The following PRKAR2B variants were observed in gnomAD, a reference collection of about 807,000 sequenced individuals.
The protein encoded by PRKAR2B is cAMP-dependent protein kinase type II-beta regulatory subunit.
PRKAR2B carries 14 observed loss-of-function variants against 49.9 expected under a neutral mutation model. The observed-to-expected ratio is 0.28, with a 90% CI of 0.19 to 0.44. The LOEUF (loss-of-function observed/expected upper bound fraction) is 0.44, where lower values mean the gene tolerates loss of function less well. PRKAR2B is among the 20% of genes least tolerant of loss of function. The probability of loss-of-function intolerance (pLI) is 1.00; values close to 1 mark genes in which losing one functional copy is unlikely to be tolerated. For missense variants in PRKAR2B, 393 were observed against 537.9 expected, an observed-to-expected ratio of 0.73 and a Z score of 2.67; for synonymous variants, 196 against 197.7, an observed-to-expected ratio of 0.99 and a Z score of 0.07.
intron 1 of PRKAR2B, among the ~76,000 whole-genome samples, chr7:107,047,650 C>T (rs974486718): frequency 6.6e-6 from 1 of 152,034 alleles, no homozygotes; most frequent in African/African-American, 2.4e-5. Flanking sequence ...AGAAAAGAAC[C>T]CCAGATACTG....
intron 2 of PRKAR2B, chr7:107,082,161 A>G (rs766457962): frequency 2.0e-5 from 3 of 152,200 alleles, no homozygotes; most frequent in Non-Finnish European, 2.9e-5. Context: ...GCTACTTTCA[A>G]GTTACCTATT....
rs576435690 is a variant in PRKAR2B, at chr7:107,150,323, A to G, written c.742-599A>G. Among the ~76,000 whole-genome samples the G allele has an allele frequency of 2.0e-5, 3 of 152,272 alleles. No homozygotes were observed. The South Asian group carries it at 6.2e-4, about 32-fold the overall frequency. The stretch of plus-strand genomic sequence containing the variant: ...AAACACTGGAATTAGATCTTACTCA[A>G]AAACATAGTTGTAGTTTCTCTGTGC... On this transcript the variant is annotated intron_variant, in intron 6 of 10. Transcript: ENST00000265717.
intron 10 of PRKAR2B, among the ~76,000 whole-genome samples, chr7:107,158,822 C>G (rs1796145144): frequency 6.6e-6 from 1 of 152,098 alleles, no homozygotes; most frequent in Non-Finnish European, 1.5e-5. Context: ...CAAAGAAGAT[C>G]TATTTTAATT....
At chr7:107,153,393 G>T in intron 8 of PRKAR2B, 142 bp downstream of exon 8, 1 of 509,344 alleles carries the variant, frequency 2.0e-6, no homozygotes, top group Non-Finnish European at 3.3e-6. Context: ...CAAATGACCT[G>T]TTAAAAATGG....
chr7:107,054,334 T>TCC, intron 1 of PRKAR2B, among the ~76,000 whole-genome samples: 1 of 152,056 alleles, frequency 6.6e-6, no homozygotes, highest in East Asian at 1.9e-4. Context: ...AGAGTGAGAC[T>TCC]CCATCTCAAA....
At chr7:107,150,379 G>A (rs1169786021) in intron 6 of PRKAR2B, among the ~76,000 whole-genome samples, 1 of 151,884 alleles carries the variant, frequency 6.6e-6, no homozygotes, top group Non-Finnish European at 1.5e-5. Flanking sequence ...TTTTTTATGA[G>A]TACATATTAT....
At chr7:107,130,798 T>C (rs1294723995) in intron 4 of PRKAR2B, among the ~76,000 whole-genome samples, 2 of 152,208 alleles carry the variant, frequency 1.3e-5, no homozygotes, top group Non-Finnish European at 2.9e-5. Flanking sequence ...TTTAACTCTT[T>C]TGCTCCGGAG....
Position 107,066,001 on chromosome 7 carries a change from A to G in PRKAR2B, c.308-4280A>G, listed in dbSNP as rs10264039. 4.2e-3 allele frequency among the ~76,000 whole-genome samples: 646 copies of G among 152,340 alleles called. 4 individuals carry two copies. The highest frequency in any genetic ancestry group is 0.015 in the African/African-American group (607 of 41,574). ...TGGGTCTCTTGGGAGCGTAGGAACT[A>G]AACGAATCTAGTGGAATATAGTTTG... On this transcript the variant is annotated intron_variant, in intron 1 of 10. Coordinates refer to ENST00000265717, the MANE Select transcript of PRKAR2B (RefSeq NM_002736.3).
chr7:107,161,535 C>A lies in PRKAR2B; in HGVS notation c.*1953C>A, dbSNP rs1305043798. On this transcript the variant is annotated 3_prime_UTR_variant, in exon 11 of 11. Coordinates refer to ENST00000265717, the MANE Select transcript of PRKAR2B (RefSeq NM_002736.3). ...AATTATTGTTTTTCATACTTTTTTG[C>A]TTGTTTCTTTAAAGTTTTCTGACGT... 6.6e-6 allele frequency: 1 copy of A among 152,344 alleles called. No homozygotes were observed. The highest frequency in any genetic ancestry group is 2.1e-4 in the South Asian group (1 of 4,814). The allele number at this position is 152,344 out of a possible 1,614,324, so 9.4% of individuals were successfully genotyped here. A position where few individuals can be genotyped will look rare whatever the true frequency, so the allele number is the denominator to read the frequency against.
At chr7:107,135,115 A>G (rs1363045642) in intron 4 of PRKAR2B, among the ~76,000 whole-genome samples, 1 of 152,078 alleles carries the variant, frequency 6.6e-6, no homozygotes, top group Non-Finnish European at 1.5e-5. Flanking sequence ...AAATAACACA[A>G]CTCAACAATA....
intron 2 of PRKAR2B, among the ~76,000 whole-genome samples, chr7:107,116,381 T>C (rs907233823): frequency 6.6e-6 from 1 of 152,192 alleles, no homozygotes; most frequent in African/African-American, 2.4e-5. Context: ...GATATCGTCA[T>C]TGTGGCACTG....
intron 2 of PRKAR2B, among the ~76,000 whole-genome samples, chr7:107,076,729 AT>A (rs1794405826): frequency 6.6e-6 from 1 of 152,176 alleles, no homozygotes; most frequent in East Asian, 1.9e-4. Flanking sequence ...TTTGTGGTAT[AT>A]TTTTAACAGA....
intron 1 of PRKAR2B, among the ~76,000 whole-genome samples, chr7:107,068,060 A>C (rs1032899241): frequency 2.0e-5 from 3 of 152,164 alleles, no homozygotes; most frequent in Non-Finnish European, 2.9e-5. Context: ...AAAGCCAAGG[A>C]AGGGTGTCCT....
chr7:107,079,078 A>T (rs1213903767), intron 2 of PRKAR2B, among the ~76,000 whole-genome samples: 1 of 152,184 alleles, frequency 6.6e-6, no homozygotes, highest in African/African-American at 2.4e-5. Flanking sequence ...GGGGAGTTAG[A>T]TCTATAAGAT....
chr7:107,054,121 G>A (rs925463720), intron 1 of PRKAR2B, among the ~76,000 whole-genome samples: 3 of 152,044 alleles, frequency 2.0e-5, no homozygotes, highest in Admixed American at 1.3e-4. Flanking sequence ...AGGCCGAGGC[G>A]GGCGAATCAT....
intron 10 of PRKAR2B, 69 bp from the exon 11 acceptor site, chr7:107,159,380 G>A: frequency 1.3e-6 from 2 of 1,517,438 alleles, no homozygotes; most frequent in Admixed American, 1.7e-5. Context: ...AGTCGGTATT[G>A]TAAATGACTT....
At chr7:107,127,505 A>C (rs543168766) in intron 3 of PRKAR2B, among the ~76,000 whole-genome samples, 1 of 152,364 alleles carries the variant, frequency 6.6e-6, no homozygotes, top group South Asian at 2.1e-4. Context: ...ACACTCTAGA[A>C]TACAAGTTTA....
intron 10 of PRKAR2B, 140 bp from the exon 11 acceptor site, chr7:107,159,309 T>G (rs1262397931): frequency 2.2e-6 from 2 of 916,706 alleles, no homozygotes; most frequent in African/African-American, 3.4e-5. Context: ...TTTATCATTA[T>G]GCTTTTTCTT....
At chr7:107,132,737 A>T (rs1193898778) in intron 4 of PRKAR2B, among the ~76,000 whole-genome samples, 1 of 152,146 alleles carries the variant, frequency 6.6e-6, no homozygotes, top group East Asian at 1.9e-4. Context: ...CTAATTAGTA[A>T]TTAGCAAGAA....
Sources: allele counts gnomAD v4.1 joint callset (sites outside exome capture counted in the v4.1 genomes callset), GRCh38; gene constraint gnomAD v4.1.1; transcripts MANE v1.5; gene names NCBI Gene and HGNC (gene_info 2026-07-23, HGNC 2026-07-21).